Variants in CHD4 observed in about 807,000 individuals in gnomAD.
CHD4 encodes the protein chromodomain helicase DNA binding protein 4.
In CHD4, 35 loss-of-function variants were observed where a neutral mutation model predicts 235.5. The ratio of observed to expected loss-of-function variants is 0.15; its 90% CI spans 0.11 to 0.20. The LOEUF is 0.20. CHD4 is among the 10% of genes least tolerant of loss of function. CHD4 has a pLI of 1.00. For synonymous variants in CHD4, 900 were observed against 850.2 expected, an observed-to-expected ratio of 1.06 and a Z score of -1.02; for missense variants, 1,329 against 2,432.3, an observed-to-expected ratio of 0.55 and a Z score of 9.54.
Position 6,578,156 on chromosome 12 carries a change from A to G in CHD4, c.5120-19T>C, listed in dbSNP as rs781661144. 1 of 1,601,212 alleles carries G rather than the reference A, an allele frequency of 6.2e-7. No homozygotes were observed. Among genetic ancestry groups the G allele is most frequent in the Admixed American group, 1.7e-5 (1 of 59,992 alleles). ...TGCAACTCTGAGGAGGAATTTAGGGAAGGTTGGGGGTGGGGGGAAGCAAAC... is the reference window on the plus strand; with the variant it reads ...TGCAACTCTGAGGAGGAATTTAGGGGAGGTTGGGGGTGGGGGGAAGCAAAC... On this transcript the variant is annotated intron_variant, in intron 35 of 39. Transcript: ENST00000544040.
In CHD4 at chr12:6,583,289, C is replaced by G. The variant is rs746423034; in HGVS notation, c.3969G>C (p.Glu1323Asp). 1 of 1,614,166 alleles carries G rather than the reference C, an allele frequency of 6.2e-7. No individual in the cohort carries two copies. The highest frequency in any genetic ancestry group is 1.7e-5 in the Admixed American group (1 of 60,012). Residue 1323 changes from glutamate to aspartate, a missense_variant, in exon 26 of 40, where the codon GAG (glutamate) becomes GAC (aspartate). Glu to Asp is a conservative substitution (Grantham distance 45). Around this residue, in one of 26 missense-constraint regions of CHD4, gnomAD observed 8 missense variants for 56.7 expected, o/e 0.14. Coordinates refer to ENST00000544040, the MANE Select transcript of CHD4 (RefSeq NM_001273.5). ...YWEKLLRHHY[E>D]QQQEDLARNL... ...TTCGGGCTAGATCTTCTTGCTGCTG[C>G]TCATAATGGTGCCGCAGCAATTTCT... is the stretch of plus-strand genomic sequence containing the variant.
intron 12 of CHD4, among the ~76,000 whole-genome samples, chr12:6,597,060 G>A (rs993076569): frequency 1.4e-5 from 2 of 147,912 alleles, no homozygotes; most frequent in African/African-American, 5.0e-5. Flanking sequence ...ACAAGGTCAG[G>A]CGATCAAGAC....
At position 6,593,595 on chromosome 12, in the gene CHD4, G is replaced by A. The variant is rs530395831; in HGVS notation, c.2335C>T (p.Leu779=). The A allele has an allele frequency of 4.0e-5, 65 of 1,614,156 alleles. No homozygotes were observed. The South Asian group carries it at 6.5e-4, about 16-fold the overall frequency. ...YKEGHSKGPF[L]VSAPLSTIIN... is the part of the protein sequence containing the mutation. The stretch of plus-strand genomic sequence containing the variant: ...ATGGTAGAAAGAGGGGCGCTCACTA[G>A]GAAGGGGCCTTTGGAATGACCCTTT... Residue 779 remains leucine, a synonymous_variant, in exon 16 of 40, where the codon CTA becomes TTA. Coordinates refer to ENST00000544040, the MANE Select transcript of CHD4 (RefSeq NM_001273.5). This position sits in a 1 kb window ranked among gnomAD's most constrained non-coding sequence, Gnocchi z 4.9.
At position 6,593,869 on chromosome 12, in the gene CHD4, CTT is replaced by C. The variant is rs1468904898; in HGVS notation, c.2314-255_2314-254del. On this transcript the variant is annotated intron_variant, in intron 15 of 39. Transcript: ENST00000544040. The surrounding 1 kb of genome is among the most constrained non-coding windows in gnomAD (Gnocchi z 4.9). ...TTTTTTTCTGAGACGGAGTTTCACT[CTT>C]GTTGCCCAGGCTGGAGTGCAATGGC... Among the ~76,000 whole-genome samples the C allele has an allele frequency of 3.3e-5, 5 of 152,168 alleles. No homozygotes were observed. Among genetic ancestry groups the C allele is most frequent in the African/African-American group, 1.2e-4 (5 of 41,434 alleles).
intron 6 of CHD4, 53 bp from the exon 7 acceptor site, chr12:6,601,106 T>C: frequency 1.3e-6 from 2 of 1,524,852 alleles, no homozygotes; most frequent in Non-Finnish European, 1.8e-6. Context: ...ATGGGGAAAA[T>C]AAAATCTTCT....
At chr12:6,606,108 C>T (rs1592287096) in intron 2 of CHD4, among the ~76,000 whole-genome samples, 166 bp downstream of exon 2, 1 of 152,342 alleles carries the variant, frequency 6.6e-6, no homozygotes, top group East Asian at 1.9e-4. Flanking sequence ...GCTTCCACCC[C>T]CCTCACACCA....
In CHD4 at chr12:6,593,345, G is replaced by C. The variant is rs1948433406; in HGVS notation, c.2514+71C>G. Reference sequence around the variant, plus strand: ...TACCCTTTTGCCTCACCAGGGACCAGATCACAAGGAGGTAAACTAAGCCAG... The same window carrying C: ...TACCCTTTTGCCTCACCAGGGACCACATCACAAGGAGGTAAACTAAGCCAG... On this transcript the variant is annotated intron_variant, in intron 16 of 39. Coordinates refer to ENST00000544040, the MANE Select transcript of CHD4 (RefSeq NM_001273.5). This position sits in a 1 kb window ranked among gnomAD's most constrained non-coding sequence, Gnocchi z 4.9. The C allele has an allele frequency of 1.9e-6, 3 of 1,598,052 alleles. No individual in the cohort carries two copies. Among genetic ancestry groups the C allele is most frequent in the South Asian group, 1.1e-5 (1 of 90,258 alleles).
rs763207937 is a variant in CHD4, at chr12:6,601,998, CCTT to C, written c.397_399del (p.Lys133del). 2.5e-5 allele frequency: 41 copies of C among 1,610,276 alleles called. No homozygotes were observed. The highest frequency in any genetic ancestry group is 4.0e-5 in the African/African-American group (3 of 74,822). On this transcript the variant is annotated inframe_deletion, in exon 4 of 40. Transcript: ENST00000544040. ...TCATCATCCTCCTCCTCCTCCTCCT[CCTT>C]CCGCTTGGATTTGCTCTTCTTCTCT... is the stretch of plus-strand genomic sequence containing the variant.
chr12:6,596,215 G>C, intron 12 of CHD4, 78 bp from the exon 13 acceptor site: 1 of 1,568,484 alleles, frequency 6.4e-7, no homozygotes, highest in Non-Finnish European at 8.7e-7. Context: ...TGGCAATACC[G>C]TTTGTTTCAC....
chr12:6,601,098 G>A (rs1028958942), intron 6 of CHD4, 45 bp from the exon 7 acceptor site: 6 of 1,526,784 alleles, frequency 3.9e-6, no homozygotes, highest in Non-Finnish European at 5.3e-6. Flanking sequence ...GACCAAAGAT[G>A]GGGAAAATAA....
chr12:6,598,476 A>G (rs1297006153), intron 10 of CHD4, 51 bp from the exon 11 acceptor site: 2 of 1,432,530 alleles, frequency 1.4e-6, no homozygotes, highest in Admixed American at 2.0e-5. Context: ...TGGGAGGAGA[A>G]GGGACAGCCC....
intron 31 of CHD4, 68 bp downstream of exon 31, chr12:6,581,581 C>A: frequency 1.2e-6 from 2 of 1,607,248 alleles, no homozygotes; most frequent in South Asian, 2.2e-5. Context: ...GAACTGAGCA[C>A]AGGGGAGCAG....
intron 2 of CHD4, among the ~76,000 whole-genome samples, chr12:6,604,264 A>G (rs1948651205): frequency 6.6e-6 from 1 of 152,038 alleles, no homozygotes; most frequent in African/African-American, 2.4e-5. Context: ...ACAGAGTGAG[A>G]CCCCATCTCA....
At chr12:6,578,164 G>C in intron 35 of CHD4, 27 bp from the exon 36 acceptor site, 1 of 1,585,110 alleles carries the variant, frequency 6.3e-7, no homozygotes, top group Non-Finnish European at 8.6e-7. Flanking sequence ...GGAAGGTTGG[G>C]GGTGGGGGGA....
At chr12:6,585,293 TA>T in intron 25 of CHD4, among the ~76,000 whole-genome samples, 1 of 152,150 alleles carries the variant, frequency 6.6e-6, no homozygotes, top group Non-Finnish European at 1.5e-5. Context: ...ATACCGATTC[TA>T]ATCTTTTTGA....
At chr12:6,576,523 C>G (rs1219103806) in intron 37 of CHD4, among the ~76,000 whole-genome samples, 1 of 152,154 alleles carries the variant, frequency 6.6e-6, no homozygotes, top group East Asian at 1.9e-4. Flanking sequence ...CCATGTTGCC[C>G]GAGCTAGTCT....
Position 6,587,639 on chromosome 12 carries a change from G to C in CHD4, c.3703+73C>G, listed in dbSNP as rs528695304. 5 of 1,603,562 alleles carry C rather than the reference G, an allele frequency of 3.1e-6. No homozygotes were observed. The Admixed American group carries it at 8.4e-5, about 27-fold the overall frequency. On this transcript the variant is annotated intron_variant, in intron 24 of 39. Transcript: ENST00000544040. Reference sequence around the variant, plus strand: ...AAAAAGCAAGTCCCACAAGACCCTTGGTATCAAAGATTCTCCCTAACCTTT... The same window carrying C: ...AAAAAGCAAGTCCCACAAGACCCTTCGTATCAAAGATTCTCCCTAACCTTT...
Position 6,578,054 on chromosome 12 carries a change from A to G in CHD4, c.5203T>C (p.Tyr1735His). The change falls in exon 36 of 40, where the codon TAC becomes CAC. Residue 1735 changes from tyrosine (Y) to histidine (H), a missense_variant. By Grantham distance (83) the Tyr-to-His change is moderately conservative. This residue lies in a region of CHD4 where 135 missense variants were observed against 282.3 expected (regional missense o/e 0.48). Transcript: ENST00000544040. ...TYEIWHRRHD[Y>H]WLLAGIINHG... ...TTTATAATGCCGGCTAGCAGCCAGT[A>G]GTCATGCCGTCGATGCCAGATCTCA... is the stretch of plus-strand genomic sequence containing the variant. The G allele has an allele frequency of 1.2e-6, 2 of 1,613,104 alleles. No homozygotes were observed. Among genetic ancestry groups the G allele is most frequent in the Non-Finnish European group, 1.7e-6 (2 of 1,180,034 alleles).
chr12:6,602,672 G>A (rs1223525996), intron 2 of CHD4, among the ~76,000 whole-genome samples, 175 bp from the exon 3 acceptor site: 1 of 152,194 alleles, frequency 6.6e-6, no homozygotes, highest in Non-Finnish European at 1.5e-5. Flanking sequence ...CAGACAAAGA[G>A]AGAGCTGTAT....
Sources: allele counts gnomAD v4.1 joint callset (sites outside exome capture counted in the v4.1 genomes callset), GRCh38; gene constraint gnomAD v4.1.1; regional missense constraint gnomAD v4.1.1; non-coding constraint Gnocchi (gnomAD v3.1); transcripts MANE v1.5; gene names NCBI Gene and HGNC (gene_info 2026-07-23, HGNC 2026-07-21).